BICRAL: variants seen among roughly 807,000 people sequenced by gnomAD.
The protein encoded by BICRAL is BICRA like chromatin remodeling complex associated protein.
BICRAL carries 8 observed loss-of-function variants against 91.8 expected under a neutral mutation model. The observed-to-expected ratio is 0.09, with a 90% confidence interval of 0.05 to 0.16. The LOEUF (loss-of-function observed/expected upper bound fraction) is 0.16, where lower values mean the gene tolerates loss of function less well. BICRAL is among the 10% of genes least tolerant of loss of function. BICRAL has a pLI of 1.00. For missense variants in BICRAL, 1,038 were observed against 1,310.9 expected, an observed-to-expected ratio of 0.79 and a Z score of 3.21; for synonymous variants, 445 against 491.1, an observed-to-expected ratio of 0.91 and a Z score of 1.24.
At chr6:42,788,509 A>C (rs545756921) in intron 1 of BICRAL, among the ~76,000 whole-genome samples, 4 of 152,136 alleles carry the variant, frequency 2.6e-5, no homozygotes, top group Non-Finnish European at 5.9e-5. Flanking sequence ...GGTGTGAGCC[A>C]CCATGCCTGG....
intron 5 of BICRAL, among the ~76,000 whole-genome samples, chr6:42,823,981 TA>T (rs1425734480): frequency 6.6e-6 from 1 of 152,066 alleles, no homozygotes; most frequent in East Asian, 1.9e-4. Context: ...CTCACACCTG[TA>T]ATCCCAGCAC....
chr6:42,859,433 G>A (rs1469438093), intron 10 of BICRAL, among the ~76,000 whole-genome samples: 1 of 150,618 alleles, frequency 6.6e-6, no homozygotes, highest in Non-Finnish European at 1.5e-5. Context: ...CTGAGAAGAA[G>A]AATGAATTAG....
intron 8 of BICRAL, among the ~76,000 whole-genome samples, chr6:42,855,521 G>A (rs1224948450): frequency 2.0e-5 from 3 of 151,750 alleles, no homozygotes; most frequent in East Asian, 1.9e-4. Flanking sequence ...CAGCCTGGAC[G>A]ACAGAGCACG....
At chr6:42,837,336 A>G (rs1328785330) in intron 6 of BICRAL, among the ~76,000 whole-genome samples, 1 of 152,168 alleles carries the variant, frequency 6.6e-6, no homozygotes, top group Non-Finnish European at 1.5e-5. Context: ...GCGTTTGTAT[A>G]TTTGTAGAAA....
At chr6:42,844,209 T>A (rs1435022384) in intron 6 of BICRAL, among the ~76,000 whole-genome samples, 1 of 149,756 alleles carries the variant, frequency 6.7e-6, no homozygotes, top group Non-Finnish European at 1.5e-5. Flanking sequence ...ACCTCAACAT[T>A]TAGGCTAAGA....
At chr6:42,770,712 G>A (rs555830035) in intron 1 of BICRAL, among the ~76,000 whole-genome samples, 57 of 149,526 alleles carry the variant, frequency 3.8e-4, no homozygotes, top group African/African-American at 1.4e-3. Flanking sequence ...CACCCCACCC[G>A]GTCAGTGTTT....
chr6:42,845,248 T>TTTTTTTTTTTTTTTA (rs761742281), intron 6 of BICRAL, among the ~76,000 whole-genome samples: 3 of 105,398 alleles, frequency 2.8e-5, no homozygotes, highest in African/African-American at 3.9e-5. Context: ...TTTTTTTTTT[T>TTTTTTTTTTTTTTTA]AGACAGAGTT....
chr6:42,773,608 G>C (rs1293288238), intron 1 of BICRAL, among the ~76,000 whole-genome samples: 1 of 152,108 alleles, frequency 6.6e-6, no homozygotes, highest in Non-Finnish European at 1.5e-5. Flanking sequence ...TCTGCCTCCT[G>C]GGTTCAAGCG....
chr6:42,771,240 C>A (rs1487987394), intron 1 of BICRAL, among the ~76,000 whole-genome samples: 1 of 152,238 alleles, frequency 6.6e-6, no homozygotes. Flanking sequence ...GTTGGCGCCA[C>A]GTGCTGCAGA....
At chr6:42,826,396 G>A (rs1040158231) in intron 5 of BICRAL, among the ~76,000 whole-genome samples, 4 of 151,646 alleles carry the variant, frequency 2.6e-5, no homozygotes, top group East Asian at 2.0e-4. Context: ...CACCGTGCCC[G>A]GCTAATTTTT....
At chr6:42,850,257 C>T (rs1765136275) in intron 6 of BICRAL, among the ~76,000 whole-genome samples, 1 of 151,964 alleles carries the variant, frequency 6.6e-6, no homozygotes, top group South Asian at 2.1e-4. Context: ...TAGTGGCTCA[C>T]GCCTGTAATC....
At chr6:42,778,611 C>T (rs942388791), upstream of BICRAL, among the ~76,000 whole-genome samples, 3 of 152,116 alleles carry the variant, frequency 2.0e-5, no homozygotes, top group South Asian at 4.2e-4. Flanking sequence ...TTTGTTAGGT[C>T]ATTTTTCAAA....
In BICRAL at chr6:42,767,215, A is replaced by G. The variant is rs114386367; in HGVS notation, c.-260-14624A>G. ...TCAACTTAATTAATTGTTTAAAAAGAGGAAAAACTGTGTTGTATGTGTGTG... is the reference window on the plus strand; with the variant it reads ...TCAACTTAATTAATTGTTTAAAAAGGGGAAAAACTGTGTTGTATGTGTGTG... On this transcript the variant is annotated intron_variant, in intron 1 of 14. Transcript: ENST00000614467. Among the ~76,000 whole-genome samples, 1,105 of 152,268 alleles carry G rather than the reference A, an allele frequency of 7.3e-3. 14 individuals are homozygous for G. Among genetic ancestry groups the G allele is most frequent in the African/African-American group, 0.025 (1,020 of 41,546 alleles).
At chr6:42,750,397 C>T (rs914735181) in intron 1 of BICRAL, among the ~76,000 whole-genome samples, 1 of 151,698 alleles carries the variant, frequency 6.6e-6, no homozygotes, top group African/African-American at 2.4e-5. Flanking sequence ...CTCTTGGGCT[C>T]AAGTGATCTG....
chr6:42,822,730 A>C, intron 3 of BICRAL, 66 bp from the exon 4 acceptor site: 1 of 850,094 alleles, frequency 1.2e-6, no homozygotes, highest in Non-Finnish European at 1.9e-6. Context: ...TCTAGTAAAA[A>C]TTAGTTCTAA....
At chr6:42,765,480 GC>G (rs1323197703) in intron 1 of BICRAL, among the ~76,000 whole-genome samples, 1 of 152,108 alleles carries the variant, frequency 6.6e-6, no homozygotes, top group East Asian at 1.9e-4. Flanking sequence ...AGCAAGCCAC[GC>G]CCCCTGCTCC....
rs1012939157 is a variant in BICRAL at position 42,865,302 on chromosome 6, C to T, written c.3096C>T (p.Gly1032=). Residue 1032 remains glycine (G), a synonymous_variant, in exon 13 of 13, where the codon GGC becomes GGT. Coordinates refer to ENST00000314073, the MANE Select transcript of BICRAL (RefSeq NM_001393499.1). ...CCCAGAGTGACCCCACGGTTAGCGGCTCTGTTGAGTTAGATTTCCCCAACT... is the reference window on the plus strand; with the variant it reads ...CCCAGAGTGACCCCACGGTTAGCGGTTCTGTTGAGTTAGATTTCCCCAACT... The part of the protein sequence containing the change: ...RQPQSDPTVS[G]SVELDFPNFS... The T allele has an allele frequency of 1.2e-6, 2 of 1,614,124 alleles. No homozygotes were observed. The highest frequency in any genetic ancestry group is 1.7e-6 in the Non-Finnish European group (2 of 1,180,014).
chr6:42,748,104 CTTTTTTT>C (rs35511368), intron 1 of BICRAL, among the ~76,000 whole-genome samples: 2 of 124,582 alleles, frequency 1.6e-5, no homozygotes, highest in Non-Finnish European at 3.4e-5. Context: ...GTGCCTGGCC[CTTTTTTT>C]TTTTTTTTTT....
chr6:42,756,578 A>G (rs961638595), intron 1 of BICRAL, among the ~76,000 whole-genome samples: 2 of 151,570 alleles, frequency 1.3e-5, no homozygotes, highest in Non-Finnish European at 2.9e-5. Flanking sequence ...ACTATCTACT[A>G]TCCCAAACAC....
Sources: allele counts gnomAD v4.1 joint callset (sites outside exome capture counted in the v4.1 genomes callset), GRCh38; gene constraint gnomAD v4.1.1; transcripts MANE v1.5; gene names NCBI Gene and HGNC (gene_info 2026-07-23, HGNC 2026-07-21).